Variants in MTM1 observed in about 807,000 individuals in gnomAD.
MTM1 encodes the protein myotubularin 1.
A neutral mutation model predicts 52.1 loss-of-function variants in MTM1; 9 were observed. That is an observed-to-expected ratio of 0.17 (90% CI 0.10 to 0.30). The LOEUF (loss-of-function observed/expected upper bound fraction) is 0.30, where lower values mean the gene tolerates loss of function less well. Ranked by LOEUF, MTM1 falls within the 10% of genes least tolerant of loss-of-function variation. The pLI, the probability that MTM1 is intolerant of heterozygous loss-of-function variation, is 1.00. For missense variants in MTM1, 277 were observed against 470.7 expected (o/e 0.59, Z 3.81); for synonymous variants, 136 against 163.8 (o/e 0.83, Z 1.29).
At chrX:150,669,393 A>G (rs2040359092) in intron 14 of MTM1, among the ~76,000 whole-genome samples, 1 of 111,626 alleles carries the variant, frequency 9.0e-6, no homozygotes, top group Non-Finnish European at 1.9e-5. Context: ...GTATAATGGG[A>G]TTGCTGGGTC....
chrX:150,647,220 T>TATATAG (rs1557414011), intron 9 of MTM1, among the ~76,000 whole-genome samples: 1 of 98,188 alleles, frequency 1.0e-5, no homozygotes, highest in Non-Finnish European at 2.0e-5. Context: ...TATATATATA[T>TATATAG]AGCAATATTT....
chrX:150,632,221 G>T (rs1557413593), intron 6 of MTM1, among the ~76,000 whole-genome samples: 1 of 111,857 alleles, frequency 8.9e-6, no homozygotes, highest in African/African-American at 3.3e-5. Flanking sequence ...GCTTCCTAGA[G>T]GATTCAGATT....
Position 150,660,127 on chromosome X carries a change from C to A in MTM1, c.1354-244C>A, listed in dbSNP as rs782695704. ...AAACTACACTGTACCTGCAGGAGAA[C>A]CCAGAAAATCAGCCTGTTTATCTCA... is the stretch of plus-strand genomic sequence containing the variant. On this transcript the variant is annotated intron_variant, in intron 12 of 14. Transcript: ENST00000370396. 2.7e-5 allele frequency among the ~76,000 whole-genome samples: 3 copies of A among 111,767 alleles called. No individual in the cohort carries two copies. The Admixed American group carries it at 2.9e-4, about 11-fold the overall frequency.
chrX:150,622,305 C>T (rs1243003075), intron 6 of MTM1, among the ~76,000 whole-genome samples: 4 of 111,368 alleles, frequency 3.6e-5, no homozygotes, highest in African/African-American at 9.8e-5. Flanking sequence ...TTGCCAGTCA[C>T]CAATACAATG....
At chrX:150,642,763 A>G (rs1557413879) in intron 8 of MTM1, among the ~76,000 whole-genome samples, 1 of 111,503 alleles carries the variant, frequency 9.0e-6, no homozygotes, top group Non-Finnish European at 1.9e-5. Flanking sequence ...TTGAGCATCT[A>G]CCGTGTCATT....
chrX:150,622,033 T>C (rs1158170054), intron 6 of MTM1, among the ~76,000 whole-genome samples: 9 of 111,150 alleles, frequency 8.1e-5, no homozygotes, highest in Admixed American at 7.7e-4. Context: ...TTTCTGAGTA[T>C]TACAAATCTA....
At chrX:150,661,062 C>T (rs1172275916) in intron 13 of MTM1, among the ~76,000 whole-genome samples, 1 of 111,096 alleles carries the variant, frequency 9.0e-6, no homozygotes, top group Non-Finnish European at 1.9e-5. Flanking sequence ...TTCACTGTCG[C>T]CCAGGCTGGA....
At position 150,655,398 on chromosome X, in the gene MTM1, G is replaced by A. The variant is rs782536895; in HGVS notation, c.1054-2423G>A. Among the ~76,000 whole-genome samples, 220 of 110,154 alleles carry A rather than the reference G, an allele frequency of 2.0e-3. 1 individual carries two copies. The highest frequency in any genetic ancestry group is 6.4e-3 in the African/African-American group (194 of 30,276). On this transcript the variant is annotated intron_variant, in intron 10 of 14. Transcript: ENST00000370396. ...CGTTTCACTCCAAGATATTTTACCC[G>A]AGAGAAATAAAAACACTGTGTCCCT...
intron 1 of MTM1, among the ~76,000 whole-genome samples, chrX:150,583,474 AAAT>A (rs2038667015): frequency 3.6e-5 from 1 of 27,592 alleles, no homozygotes; most frequent in Non-Finnish European, 6.1e-5. Flanking sequence ...AAATATATAT[AAAT>A]TATATATATT....
intron 1 of MTM1, among the ~76,000 whole-genome samples, chrX:150,579,948 T>C (rs2038549647): frequency 8.9e-6 from 1 of 111,995 alleles, no homozygotes; most frequent in Non-Finnish European, 1.9e-5. Flanking sequence ...TTTTTTTGCA[T>C]ACATGATTAT....
At chrX:150,576,260 G>T (rs1490169022) in intron 1 of MTM1, among the ~76,000 whole-genome samples, 3 of 111,712 alleles carry the variant, frequency 2.7e-5, no homozygotes, top group African/African-American at 9.8e-5. Flanking sequence ...CTGGAAGTTT[G>T]TATAAGATTG....
chrX:150,670,738 C>T (rs1448413683), intron 14 of MTM1, among the ~76,000 whole-genome samples: 3 of 111,119 alleles, frequency 2.7e-5, no homozygotes. Context: ...GCAGTTCCAC[C>T]CCTAGGAAAA....
intron 8 of MTM1, among the ~76,000 whole-genome samples, chrX:150,644,909 T>G (rs1228628067): frequency 8.9e-6 from 1 of 111,938 alleles, no homozygotes. Context: ...GCTTCCCATT[T>G]TTAATAGCTT....
chrX:150,631,667 CAAAAAAAAAAAA>C (rs34042424), intron 6 of MTM1, among the ~76,000 whole-genome samples: 9 of 35,455 alleles, frequency 2.5e-4, no homozygotes, highest in Admixed American at 4.9e-4. Flanking sequence ...ACTCCATCTC[CAAAAAAAAAAAA>C]AAAAAAAAAA....
intron 5 of MTM1, among the ~76,000 whole-genome samples, chrX:150,615,769 C>A (rs1034304189): frequency 3.0e-4 from 34 of 112,085 alleles, no homozygotes; most frequent in African/African-American, 1.1e-3. Flanking sequence ...GATCAAGACT[C>A]GTTTTTTCTA....
At position 150,624,782 on chromosome X, in the gene MTM1, C is replaced by T. The variant is rs782284602; in HGVS notation, c.444+5643C>T. Among the ~76,000 whole-genome samples, 6 of 112,113 alleles carry T rather than the reference C, an allele frequency of 5.4e-5. No homozygotes were observed. In the East Asian group the frequency reaches 1.4e-3, roughly 26 times the overall value. On this transcript the variant is annotated intron_variant, in intron 6 of 14. Coordinates refer to ENST00000370396, the MANE Select transcript of MTM1 (RefSeq NM_000252.3). ...TTGAAGTGCATTGCTTACCGTTAAT[C>T]GTGGTCCAAAAAGTTTGAAAAACAC...
intron 8 of MTM1, among the ~76,000 whole-genome samples, chrX:150,645,167 T>C (rs1557413943): frequency 9.0e-6 from 1 of 111,675 alleles, no homozygotes; most frequent in Non-Finnish European, 1.9e-5. Context: ...AGCAGATCTA[T>C]GCTCTTTGGG....
intron 3 of MTM1, among the ~76,000 whole-genome samples, chrX:150,597,328 C>T (rs1258173781): frequency 8.9e-6 from 1 of 112,032 alleles, no homozygotes; most frequent in Non-Finnish European, 1.9e-5. Context: ...AGCGAGGTAC[C>T]TTTGGGAATT....
intron 4 of MTM1, among the ~76,000 whole-genome samples, chrX:150,607,190 G>T (rs1416791660): frequency 9.1e-6 from 1 of 109,635 alleles, no homozygotes; most frequent in Admixed American, 9.7e-5. Flanking sequence ...GTTTCATTAT[G>T]TTGGCCAGGC....
Sources: gnomAD v4.1 joint callset for allele counts (sites outside exome capture counted in the v4.1 genomes callset) on GRCh38, gnomAD v4.1.1 for gene constraint, MANE v1.5 for transcripts, NCBI Gene and HGNC (gene_info 2026-07-23, HGNC 2026-07-21) for gene names.